Variants in CNGA1 observed in about 807,000 individuals in gnomAD.
CNGA1 encodes cyclic nucleotide gated channel subunit alpha 1.
Under a neutral mutation model 69.7 loss-of-function variants are expected in CNGA1, and 53 were observed. The ratio of observed to expected loss-of-function variants is 0.76; its 90% CI spans 0.61 to 0.96. The LOEUF (loss-of-function observed/expected upper bound fraction) is 0.96. Ranked by LOEUF, CNGA1 falls within the 40% of genes least tolerant of loss-of-function variation. The pLI is 0.00. For synonymous variants in CNGA1, 249 were observed against 283.5 expected, an observed-to-expected ratio of 0.88 and a Z score of 1.22; for missense variants, 739 against 811.2, an observed-to-expected ratio of 0.91 and a Z score of 1.08.
Position 47,990,659 on chromosome 4 carries a change from C to G in CNGA1, c.-122-9159G>C, listed in dbSNP as rs568742641. 2.0e-5 allele frequency among the ~76,000 whole-genome samples: 3 copies of G among 152,218 alleles called. No individual in the cohort carries two copies. The South Asian group carries it at 6.2e-4, about 32-fold the overall frequency. ...TTCTAAAATCCCTAATAAAAACTTG[C>G]TGATTTTGCGGCTCGGCGTCACCAT... On this transcript the variant is annotated intron_variant, in intron 2 of 10. Transcript: ENST00000514170.
rs1448010735 is a variant in CNGA1 at position 47,943,191 on chromosome 4, T to C, written c.427A>G (p.Lys143Glu). ...ACTAAAAGTGCTTACTCTTCTTTCT[T>C]ATCTTTGCTTTTCTCCTCTTTCTTT... ...KKKKEEKSKD[K>E]KEEEKKEVVV... Residue 143 changes from lysine (K) to glutamate (E), a missense_variant, in exon 8 of 11, where the codon AAG (lysine) becomes GAG (glutamate). Coordinates refer to ENST00000514170, the MANE Select transcript of CNGA1 (RefSeq NM_001379270.1). 2 of 1,603,396 alleles carry C rather than the reference T, an allele frequency of 1.2e-6. No individual in the cohort carries two copies. Among genetic ancestry groups the C allele is most frequent in the East Asian group, 4.5e-5 (2 of 44,724 alleles).
chr4:47,993,124 A>T (rs1259431784), intron 2 of CNGA1, among the ~76,000 whole-genome samples: 1 of 152,090 alleles, frequency 6.6e-6, no homozygotes, highest in East Asian at 1.9e-4. Context: ...ATCTACGTTC[A>T]TCAGGGATAT....
rs150352603 is a variant in CNGA1, at chr4:47,978,864, TA to T, written c.-15+2528del. Among the ~76,000 whole-genome samples the T allele has an allele frequency of 0.021, 3,219 of 152,318 alleles. 327 individuals are homozygous for T. In the East Asian group the frequency reaches 0.32, roughly 15 times the overall value. On this transcript the variant is annotated intron_variant, in intron 3 of 10. Coordinates refer to ENST00000514170, the MANE Select transcript of CNGA1 (RefSeq NM_001379270.1). The stretch of plus-strand genomic sequence containing the variant: ...AAAAAATTTTCTGTTTTATCAAGAC[TA>T]TATCATTGCATTTAATCAATTACCT...
intron 10 of CNGA1, among the ~76,000 whole-genome samples, chr4:47,938,196 A>AG (rs1652071677): frequency 2.6e-5 from 4 of 151,716 alleles, no homozygotes; most frequent in African/African-American, 9.7e-5. Context: ...AGAAAAAAAA[A>AG]GAAAAAAAGA....
chr4:48,005,523 A>C (rs1158682891), intron 2 of CNGA1, among the ~76,000 whole-genome samples: 1 of 152,250 alleles, frequency 6.6e-6, no homozygotes, highest in Non-Finnish European at 1.5e-5. Flanking sequence ...ATTCCATAGA[A>C]GAAATCTCAC....
intron 2 of CNGA1, among the ~76,000 whole-genome samples, chr4:47,985,226 A>G (rs1264642752): frequency 2.0e-5 from 3 of 152,246 alleles, no homozygotes; most frequent in Non-Finnish European, 2.9e-5. Context: ...TTTTAAAAAG[A>G]CAAATATCAA....
chr4:48,001,318 A>C (rs1300097943), intron 2 of CNGA1, among the ~76,000 whole-genome samples: 1 of 152,096 alleles, frequency 6.6e-6, no homozygotes, highest in East Asian at 1.9e-4. Flanking sequence ...AACATACAAA[A>C]ATTAGCCAGG....
chr4:47,992,659 T>TATTC (rs1459192590), intron 2 of CNGA1, among the ~76,000 whole-genome samples: 1 of 108,148 alleles, frequency 9.2e-6, no homozygotes, highest in African/African-American at 3.1e-5. Flanking sequence ...TGCCATTTAT[T>TATTC]ATTTATTTAT....
chr4:47,992,467 T>TTG (rs1428942082), intron 2 of CNGA1, among the ~76,000 whole-genome samples: 1 of 152,056 alleles, frequency 6.6e-6, no homozygotes, highest in East Asian at 1.9e-4. Context: ...GATTCTCAGC[T>TTG]TGGTTGCTGT....
intron 3 of CNGA1, among the ~76,000 whole-genome samples, chr4:47,975,062 C>T (rs1741278900): frequency 6.6e-6 from 1 of 152,092 alleles, no homozygotes. Flanking sequence ...TATATGATCT[C>T]TAAGTTCAGA....
intron 3 of CNGA1, chr4:47,970,983 C>A: frequency 2.2e-6 from 1 of 453,530 alleles, no homozygotes; most frequent in South Asian, 1.6e-5. Flanking sequence ...TGGTGAAATC[C>A]CATCTCTACT....
At chr4:47,990,211 G>A (rs553933523) in intron 2 of CNGA1, among the ~76,000 whole-genome samples, 2 of 152,242 alleles carry the variant, frequency 1.3e-5, no homozygotes, top group South Asian at 4.1e-4. Context: ...TGCCTGTGGG[G>A]TCAGGCAGAA....
intron 2 of CNGA1, among the ~76,000 whole-genome samples, chr4:47,984,693 C>T (rs2581490): frequency 0.28 from 36,773 of 131,786 alleles, 5,088 homozygotes; most frequent in African/African-American, 0.37. Flanking sequence ...CACACACACA[C>T]ATATATATAT....
intron 3 of CNGA1, among the ~76,000 whole-genome samples, chr4:47,973,301 C>G (rs906128866): frequency 6.6e-6 from 1 of 152,078 alleles, no homozygotes; most frequent in Non-Finnish European, 1.5e-5. Context: ...GGTTTGAACT[C>G]CTGACCTCAG....
chr4:47,993,389 T>C (rs6816850), intron 2 of CNGA1, among the ~76,000 whole-genome samples: 79,862 of 151,930 alleles, frequency 0.53, 23,025 homozygotes, highest in Non-Finnish European at 0.64. Context: ...GTTCAGGTTA[T>C]CTAATTCTTC....
Position 47,949,900 on chromosome 4 carries a change from G to A in CNGA1, c.225-5C>T, listed in dbSNP as rs765729790. Reference sequence around the variant, plus strand: ...GCACCAGGCAGGTACTGCTCCCTGGGAAATGAAAAACATGCAGTGAAATCA... The same window carrying A: ...GCACCAGGCAGGTACTGCTCCCTGGAAAATGAAAAACATGCAGTGAAATCA... On this transcript the variant is annotated splice_polypyrimidine_tract_variant and splice_region_variant and intron_variant, in intron 5 of 10. Coordinates refer to ENST00000514170, the MANE Select transcript of CNGA1 (RefSeq NM_001379270.1). 1.2e-5 allele frequency: 19 copies of A among 1,613,730 alleles called. No individual in the cohort carries two copies. The South Asian group carries it at 2.0e-4, about 17-fold the overall frequency.
chr4:47,975,477 A>G (rs996905393), intron 3 of CNGA1, among the ~76,000 whole-genome samples: 1 of 152,204 alleles, frequency 6.6e-6, no homozygotes, highest in African/African-American at 2.4e-5. Flanking sequence ...CAATTAATCA[A>G]AAGTCAATTA....
intron 3 of CNGA1, among the ~76,000 whole-genome samples, chr4:47,958,643 A>G (rs575654019): frequency 1.3e-5 from 2 of 151,794 alleles, no homozygotes; most frequent in South Asian, 4.2e-4. Flanking sequence ...AAATAGACGT[A>G]GATGATTACT....
At chr4:47,949,266 G>C (rs1739603673) in intron 6 of CNGA1, among the ~76,000 whole-genome samples, 2 of 152,108 alleles carry the variant, frequency 1.3e-5, no homozygotes, top group Non-Finnish European at 2.9e-5. Flanking sequence ...ATCTTCTAGG[G>C]CCAACTTTTT....
Sources: gnomAD v4.1 joint callset for allele counts (sites outside exome capture counted in the v4.1 genomes callset) on GRCh38, gnomAD v4.1.1 for gene constraint, MANE v1.5 for transcripts, NCBI Gene and HGNC (gene_info 2026-07-23, HGNC 2026-07-21) for gene names.